AP3B2: variants seen among roughly 807,000 people sequenced by gnomAD.
AP3B2 encodes the protein AP-3 complex subunit beta-2.
In AP3B2, 50 loss-of-function variants were observed where a neutral mutation model predicts 126.9. The ratio of observed to expected loss-of-function variants is 0.39; its 90% CI spans 0.31 to 0.50. AP3B2 has a LOEUF of 0.50. Ranked by LOEUF, AP3B2 falls within the 20% of genes least tolerant of loss-of-function variation. AP3B2 has a pLI of 0.79. For missense variants in AP3B2, 1,177 were observed against 1,426.4 expected, an observed-to-expected ratio of 0.83 and a Z score of 2.82; for synonymous variants, 541 against 565.0, an observed-to-expected ratio of 0.96 and a Z score of 0.60.
At position 82,680,743 on chromosome 15, in the gene AP3B2, C is replaced by T; in HGVS notation, c.784G>A (p.Glu262Lys). ...TAGAAGGCTTTTTCCGCGTTCTCCTCTAGTAGGGATTCCTGGACGGGGAGA... is the reference window on the plus strand; with the variant it reads ...TAGAAGGCTTTTTCCGCGTTCTCCTTTAGTAGGGATTCCTGGACGGGGAGA... The part of the protein sequence containing the change: ...LSPTQNESLL[E>K]ENAEKAFYGS... The change falls in exon 8 of 27, where the codon GAG becomes AAG. Residue 262 changes from glutamate (E) to lysine (K), a missense_variant. Glu to Lys is a moderately conservative substitution (Grantham distance 56, BLOSUM62 1). Coordinates refer to ENST00000535359, the MANE Select transcript of AP3B2 (RefSeq NM_001278512.2). The surrounding 1 kb of genome is among the most constrained non-coding windows in gnomAD (Gnocchi z 6.1). 6.3e-7 allele frequency: 1 copy of T among 1,584,942 alleles called. No homozygotes were observed. The highest frequency in any genetic ancestry group is 8.6e-7 in the Non-Finnish European group (1 of 1,168,452).
chr15:82,683,860 T>C (rs1204928362), intron 4 of AP3B2, among the ~76,000 whole-genome samples: 1 of 152,250 alleles, frequency 6.6e-6, no homozygotes, highest in Non-Finnish European at 1.5e-5. Flanking sequence ...TTAATCTCCT[T>C]GTACCTCTCC....
intron 20 of AP3B2, 27 bp from the exon 21 acceptor site, chr15:82,663,647 G>A: frequency 6.2e-7 from 1 of 1,613,806 alleles, no homozygotes; most frequent in Non-Finnish European, 8.5e-7. Flanking sequence ...GGATGTGGGT[G>A]TGGGGAAGGG....
At chr15:82,703,566 A>C (rs1210256242) in intron 1 of AP3B2, among the ~76,000 whole-genome samples, 1 of 152,128 alleles carries the variant, frequency 6.6e-6, no homozygotes, top group African/African-American at 2.4e-5. Flanking sequence ...TTTTCTTTGC[A>C]ATGCCGCTTA....
intron 1 of AP3B2, chr15:82,699,760 A>AG (rs1335452420): frequency 2.3e-5 from 9 of 399,176 alleles, no homozygotes; most frequent in East Asian, 3.6e-5. Flanking sequence ...CTGGTACCGG[A>AG]GTGGGGGCCC....
At chr15:82,692,126 G>T in intron 1 of AP3B2, 1 of 1,495,900 alleles carries the variant, frequency 6.7e-7, no homozygotes. Context: ...AAGTCCTGGA[G>T]AACTCCACAC....
intron 22 of AP3B2, 83 bp from the exon 23 acceptor site, chr15:82,663,005 A>C (rs1225196960): frequency 6.6e-7 from 1 of 1,519,720 alleles, no homozygotes; most frequent in Non-Finnish European, 9.0e-7. Context: ...GCCATCCAGC[A>C]GCTGGGACTC....
At chr15:82,699,657 G>A (rs1440590456) in intron 1 of AP3B2, 7 of 399,808 alleles carry the variant, frequency 1.8e-5, no homozygotes, top group Non-Finnish European at 3.1e-5. Flanking sequence ...TCTGGCTCTG[G>A]CTGGCCTCTG....
chr15:82,659,916 G>A lies in AP3B2; in HGVS notation c.3084C>T (p.His1028=), dbSNP rs2047908202. 2 of 1,613,762 alleles carry A rather than the reference G, an allele frequency of 1.2e-6. No individual in the cohort carries two copies. The highest frequency in any genetic ancestry group is 1.7e-6 in the Non-Finnish European group (2 of 1,179,842). Residue 1028 remains histidine, a synonymous_variant, in exon 26 of 27, where the codon CAC becomes CAT. Transcript: ENST00000535359. ...TGGCAGTCACTTTCTGCACCACAAT[G>A]TGGTCACTCCGACAGGTGTCTGGCA... ...LMLPDTCRSD[H]IVVQKVTATA...
chr15:82,672,130 A>G (rs138467194), intron 14 of AP3B2, among the ~76,000 whole-genome samples: 4,725 of 152,308 alleles, frequency 0.031, 119 homozygotes, highest in Middle Eastern at 0.058. Flanking sequence ...AAGGAAATCA[A>G]CATATTGAAG....
At position 82,665,608 on chromosome 15, in the gene AP3B2, A is replaced by C. The variant is rs1254221664; in HGVS notation, c.1853-33T>G. On this transcript the variant is annotated intron_variant, in intron 15 of 26. Coordinates refer to ENST00000535359, the MANE Select transcript of AP3B2 (RefSeq NM_001278512.2). This position sits in a 1 kb window ranked among gnomAD's most constrained non-coding sequence, Gnocchi z 4.4. Reference sequence around the variant, plus strand: ...TAGGTTTAGAGGTCAGGCAGGTAGCAGCAGTGAGGGAAAGCTCTGGGAGCT... The same window carrying C: ...TAGGTTTAGAGGTCAGGCAGGTAGCCGCAGTGAGGGAAAGCTCTGGGAGCT... The C allele has an allele frequency of 1.3e-6, 2 of 1,544,706 alleles. No homozygotes were observed.
Position 82,659,961 on chromosome 15 carries a change from C to G in AP3B2, c.3039G>C (p.Glu1013Asp), listed in dbSNP as rs750297806. The G allele has an allele frequency of 7.4e-6, 12 of 1,613,822 alleles. No individual in the cohort carries two copies. The change falls in exon 26 of 27, where the codon GAG becomes GAC. Residue 1013 changes from glutamate to aspartate, a missense_variant. Transcript: ENST00000535359. ...CTGGCAGCATGAGTTTCTCTGTGAT[C>G]TCATTCATGCCCATCAGCTTTCCTG... is the stretch of plus-strand genomic sequence containing the variant. ...KEQGKLMGMN[E>D]ITEKLMLPDT...
chr15:82,699,168 A>T (rs1360014350), intron 1 of AP3B2: 2 of 153,900 alleles, frequency 1.3e-5, no homozygotes, highest in African/African-American at 2.4e-5. Flanking sequence ...GGGTGGCTGG[A>T]GCCAGCCAGG....
rs1004167191 is a variant in AP3B2, at chr15:82,681,792, C to A, written c.361-212G>T. Reference sequence around the variant, plus strand: ...AAATCTGACACCTGAACAGGTGTTGCAATGGGTAGCTTCACTTCCAGAAAC... The same window carrying A: ...AAATCTGACACCTGAACAGGTGTTGAAATGGGTAGCTTCACTTCCAGAAAC... On this transcript the variant is annotated intron_variant, in intron 4 of 26. Coordinates refer to ENST00000535359, the MANE Select transcript of AP3B2 (RefSeq NM_001278512.2). The surrounding 1 kb of genome is among the most constrained non-coding windows in gnomAD (Gnocchi z 4.0). Among the ~76,000 whole-genome samples the A allele has an allele frequency of 1.3e-5, 2 of 152,146 alleles. No homozygotes were observed. Among genetic ancestry groups the A allele is most frequent in the East Asian group, 3.9e-4 (2 of 5,180 alleles).
chr15:82,673,830 G>C (rs2151436334), intron 14 of AP3B2, among the ~76,000 whole-genome samples: 1 of 152,276 alleles, frequency 6.6e-6, no homozygotes, highest in African/African-American at 2.4e-5. Flanking sequence ...AAATTTGTCA[G>C]AATCTTCTAT....
Position 82,665,586 on chromosome 15 carries a change from GT to G in AP3B2, c.1853-12del. On this transcript the variant is annotated splice_polypyrimidine_tract_variant and intron_variant, in intron 15 of 26. Coordinates refer to ENST00000535359, the MANE Select transcript of AP3B2 (RefSeq NM_001278512.2). The surrounding 1 kb of genome is among the most constrained non-coding windows in gnomAD (Gnocchi z 4.4). The stretch of plus-strand genomic sequence containing the variant: ...GGAAGTGGTCCCGGTCTAGGGATAG[GT>G]TTAGAGGTCAGGCAGGTAGCAGCAG... The G allele has an allele frequency of 6.2e-7, 1 of 1,600,242 alleles. No individual in the cohort carries two copies. Among genetic ancestry groups the G allele is most frequent in the Non-Finnish European group, 8.6e-7 (1 of 1,167,968 alleles).
At position 82,681,844 on chromosome 15, in the gene AP3B2, A is replaced by C. The variant is rs2048344457; in HGVS notation, c.361-264T>G. Among the ~76,000 whole-genome samples the C allele has an allele frequency of 6.6e-6, 1 of 152,052 alleles. No individual in the cohort carries two copies. Among genetic ancestry groups the C allele is most frequent in the South Asian group, 2.1e-4 (1 of 4,818 alleles). On this transcript the variant is annotated intron_variant, in intron 4 of 26. Coordinates refer to ENST00000535359, the MANE Select transcript of AP3B2 (RefSeq NM_001278512.2). The surrounding 1 kb of genome is among the most constrained non-coding windows in gnomAD (Gnocchi z 4.0). ...CTGAAAAACTTTCAGAACACCTAAA[A>C]TTGCTGAAACACCTGAAACACTTCC...
intron 4 of AP3B2, chr15:82,685,561 G>A (rs1218259869): frequency 6.6e-6 from 1 of 152,210 alleles, no homozygotes; most frequent in Non-Finnish European, 1.5e-5. Context: ...TATTGAAAAG[G>A]AAGGAGTCTC....
In AP3B2 at chr15:82,661,826, C is replaced by T. The variant is rs766114944; in HGVS notation, c.3015G>A (p.Gln1005=). ...FMSENEFKKE[Q]GKLMGMNEIT... ...TGCCCACTCCCAGGGAGCACTCACC[C>T]TGTTCCTTCTTAAACTCATTTTCAC... Residue 1005 remains glutamine (Q), a splice_region_variant and synonymous_variant, in exon 25 of 27, where the codon CAG becomes CAA. Coordinates refer to ENST00000535359, the MANE Select transcript of AP3B2 (RefSeq NM_001278512.2). The T allele has an allele frequency of 7.4e-5, 120 of 1,611,762 alleles. No individual in the cohort carries two copies. The highest frequency in any genetic ancestry group is 7.7e-5 in the Non-Finnish European group (91 of 1,178,968).
At chr15:82,691,700 A>C in intron 1 of AP3B2, 1 of 1,477,668 alleles carries the variant, frequency 6.8e-7, no homozygotes, top group East Asian at 2.5e-5. Context: ...TAAAAAATAA[A>C]GAAAAAATTC....
Sources: gnomAD v4.1 joint callset for allele counts (sites outside exome capture counted in the v4.1 genomes callset) on GRCh38, gnomAD v4.1.1 for gene constraint, Gnocchi (gnomAD v3.1) non-coding constraint, MANE v1.5 for transcripts, NCBI Gene and HGNC (gene_info 2026-07-23, HGNC 2026-07-21) for gene names.